The following ITPR1 variants were observed in gnomAD, a reference collection of about 807,000 sequenced individuals.
The protein encoded by ITPR1 is inositol 1,4,5-trisphosphate-gated calcium channel ITPR1.
In ITPR1, 96 loss-of-function variants were observed where a neutral mutation model predicts 318.4. The observed-to-expected ratio is 0.30, with a 90% CI of 0.26 to 0.36. The LOEUF is 0.36. ITPR1 is among the 10% of genes least tolerant of loss of function. ITPR1 has a pLI of 1.00. For missense variants in ITPR1, 2,440 were observed against 3,460.2 expected (o/e 0.71, Z 7.40); for synonymous variants, 1,312 against 1,289.9 (o/e 1.02, Z -0.37).
chr3:4,667,960 A>G (rs1415493363), intron 18 of ITPR1, among the ~76,000 whole-genome samples: 1 of 152,146 alleles, frequency 6.6e-6, no homozygotes, highest in Admixed American at 6.5e-5. Flanking sequence ...GTAGGTGTAT[A>G]TATTTATGGG....
chr3:4,711,925 G>A (rs571036031), intron 39 of ITPR1, 57 bp downstream of exon 39: 96 of 889,634 alleles, frequency 1.1e-4, no homozygotes, highest in Non-Finnish European at 1.5e-4. Flanking sequence ...TGAAGGGAGG[G>A]ACCTTTCAAA....
intron 61 of ITPR1, among the ~76,000 whole-genome samples, chr3:4,837,446 A>G (rs972656030): frequency 1.3e-5 from 2 of 152,086 alleles, no homozygotes; most frequent in Non-Finnish European, 2.9e-5. Flanking sequence ...ATCATAGTAC[A>G]GGAATTATGC....
At chr3:4,801,498 T>A (rs560390958) in intron 54 of ITPR1, among the ~76,000 whole-genome samples, 1 of 152,042 alleles carries the variant, frequency 6.6e-6, no homozygotes, top group African/African-American at 2.4e-5. Context: ...GCTCGGTGGC[T>A]CACATCTATA....
At chr3:4,545,481 G>T (rs1365220873) in intron 4 of ITPR1, among the ~76,000 whole-genome samples, 1 of 151,956 alleles carries the variant, frequency 6.6e-6, no homozygotes, top group Non-Finnish European at 1.5e-5. Flanking sequence ...TAATTTGTTG[G>T]GCTTGGTGGC....
intron 54 of ITPR1, among the ~76,000 whole-genome samples, chr3:4,804,120 C>G (rs2048410123): frequency 6.6e-6 from 1 of 152,236 alleles, no homozygotes; most frequent in African/African-American, 2.4e-5. Flanking sequence ...AATCCACCCG[C>G]CTCGGCCTCC....
intron 60 of ITPR1, among the ~76,000 whole-genome samples, chr3:4,836,567 C>CT (rs1163717225): frequency 3.3e-5 from 5 of 151,926 alleles, no homozygotes; most frequent in South Asian, 2.1e-4. Context: ...GTGGCTTCCT[C>CT]TAAGAATTCA....
intron 40 of ITPR1, among the ~76,000 whole-genome samples, chr3:4,723,381 G>A (rs2042298458): frequency 6.6e-6 from 1 of 152,168 alleles, no homozygotes; most frequent in Admixed American, 6.5e-5. Context: ...GATTCTTGAA[G>A]ATGCAAAGCA....
In ITPR1 at chr3:4,811,242, A is replaced by G. The variant is rs762562180; in HGVS notation, c.7273-23A>G. On this transcript the variant is annotated intron_variant, in intron 55 of 61. Transcript: ENST00000649015. ...ACATCTAACATCAAGGCTTCTTAAA[A>G]TTCTTTTTGTTTGTTTTCAAAGCTT... 4.6e-6 allele frequency: 7 copies of G among 1,507,246 alleles called. No individual in the cohort carries two copies. In the African/African-American group the frequency reaches 9.8e-5, roughly 21 times the overall value. 93.4% of individuals were successfully genotyped at this position (1,507,246 alleles called of 1,614,324 possible).
chr3:4,610,162 G>A (rs1262461344), intron 4 of ITPR1, among the ~76,000 whole-genome samples: 2 of 152,066 alleles, frequency 1.3e-5, no homozygotes, highest in Non-Finnish European at 2.9e-5. Flanking sequence ...CCACCCATTG[G>A]CTTGTCCAGT....
chr3:4,754,507 G>C (rs2125352460), intron 44 of ITPR1, among the ~76,000 whole-genome samples: 1 of 152,322 alleles, frequency 6.6e-6, no homozygotes, highest in South Asian at 2.1e-4. Context: ...AGAGCCACCA[G>C]AGGATACTTG....
rs77331757 is a variant in ITPR1 at position 4,577,099 on chromosome 3, C to T, written c.164-50664C>T. Among the ~76,000 whole-genome samples the T allele has an allele frequency of 6.4e-3, 977 of 152,306 alleles. 4 individuals are homozygous for T. The highest frequency in any genetic ancestry group is 0.022 in the African/African-American group (905 of 41,560). On this transcript the variant is annotated intron_variant, in intron 4 of 61. Coordinates refer to ENST00000649015, the MANE Select transcript of ITPR1 (RefSeq NM_001378452.1). ...TTCCTACAATGAATTGTGTTCCCCA[C>T]GCTGCCAGTTATATGTGGTAGAGTT...
intron 4 of ITPR1, among the ~76,000 whole-genome samples, chr3:4,571,382 C>T (rs111292909): frequency 0.016 from 2,431 of 151,944 alleles, 63 homozygotes; most frequent in African/African-American, 0.056. Flanking sequence ...GCTCTGTCAC[C>T]CAAGCTGGAG....
chr3:4,747,288 C>T (rs968927602), intron 44 of ITPR1, among the ~76,000 whole-genome samples: 1 of 152,176 alleles, frequency 6.6e-6, no homozygotes, highest in Non-Finnish European at 1.5e-5. Flanking sequence ...CTGTTTTGAT[C>T]CCTTTCTGCT....
chr3:4,632,260 G>T (rs1387274209), intron 5 of ITPR1, among the ~76,000 whole-genome samples: 1 of 152,204 alleles, frequency 6.6e-6, no homozygotes, highest in East Asian at 1.9e-4. Flanking sequence ...TGTGTCTTTA[G>T]TTGTCCTCAC....
At chr3:4,520,477 A>C (rs184998365) in intron 3 of ITPR1, among the ~76,000 whole-genome samples, 1 of 152,010 alleles carries the variant, frequency 6.6e-6, no homozygotes, top group African/African-American at 2.4e-5. Context: ...TCTATTTCGA[A>C]TCTTCCAGTA....
In ITPR1 at chr3:4,665,263, G is replaced by C; in HGVS notation, c.1680G>C (p.Leu560=). 6.2e-7 allele frequency: 1 copy of C among 1,613,828 alleles called. No individual in the cohort carries two copies. Among genetic ancestry groups the C allele is most frequent in the Non-Finnish European group, 8.5e-7 (1 of 1,179,716 alleles). ...RHICRLCYRV[L]RHSQQDYRKN... ...TCTGCCGGCTCTGCTACAGGGTGCT[G>C]AGACACTCGCAGCAAGACTACAGGA... The change falls in exon 17 of 62, where the codon CTG becomes CTC. Residue 560 remains leucine, a synonymous_variant. Coordinates refer to ENST00000649015, the MANE Select transcript of ITPR1 (RefSeq NM_001378452.1).
intron 6 of ITPR1, among the ~76,000 whole-genome samples, 163 bp downstream of exon 6, chr3:4,639,633 C>A (rs751931790): frequency 6.6e-6 from 1 of 152,192 alleles, no homozygotes; most frequent in Non-Finnish European, 1.5e-5. Context: ...ATGTGATAGA[C>A]TCTTTGGGCT....
At chr3:4,812,852 C>T (rs1313264188) in intron 56 of ITPR1, among the ~76,000 whole-genome samples, 2 of 152,132 alleles carry the variant, frequency 1.3e-5, no homozygotes, top group African/African-American at 4.8e-5. Context: ...AGAGTCTGTA[C>T]GTTCAGTAGT....
chr3:4,688,020 C>G (rs902768120), intron 30 of ITPR1, among the ~76,000 whole-genome samples: 4 of 152,188 alleles, frequency 2.6e-5, no homozygotes, highest in Admixed American at 6.5e-5. Context: ...AGCCCCAGTT[C>G]TGTTGTCAGT....
Sources: gnomAD v4.1 joint callset for allele counts (sites outside exome capture counted in the v4.1 genomes callset) on GRCh38, gnomAD v4.1.1 for gene constraint, MANE v1.5 for transcripts, NCBI Gene and HGNC (gene_info 2026-07-23, HGNC 2026-07-21) for gene names.